FSHR: variants seen among roughly 807,000 people sequenced by gnomAD.
FSHR encodes follicle-stimulating hormone receptor.
A neutral mutation model predicts 52.1 loss-of-function variants in FSHR; 46 were observed. The ratio of observed to expected loss-of-function variants is 0.88; its 90% CI spans 0.70 to 1.13. The LOEUF (loss-of-function observed/expected upper bound fraction) is 1.13, where lower values mean the gene tolerates loss of function less well. Among genes scored for constraint, FSHR ranks in the 50% most tolerant of loss-of-function variants. FSHR has a pLI of 0.00. For synonymous variants in FSHR, 399 were observed against 309.6 expected (o/e 1.29, Z -3.03); for missense variants, 964 against 834.6 (o/e 1.16, Z -1.91).
At chr2:49,017,660 A>G (rs1051330616) in intron 3 of FSHR, 97 bp from the exon 4 acceptor site, 12 of 821,842 alleles carry the variant, frequency 1.5e-5, no homozygotes, top group South Asian at 4.3e-5. Context: ...CATTCATCCC[A>G]TCCACTCATC....
chr2:48,992,390 T>C (rs777391982), intron 4 of FSHR, among the ~76,000 whole-genome samples: 1 of 152,166 alleles, frequency 6.6e-6, no homozygotes. Flanking sequence ...GTTTCTGTAA[T>C]TTTGCCTTTT....
At chr2:49,127,804 T>TCTTCTTCTTC (rs1672080145) in intron 1 of FSHR, among the ~76,000 whole-genome samples, 1 of 60,140 alleles carries the variant, frequency 1.7e-5, no homozygotes, top group African/African-American at 7.1e-5. Flanking sequence ...TTCTTCTTCT[T>TCTTCTTCTTC]CTTCTTCTTC....
intron 1 of FSHR, among the ~76,000 whole-genome samples, chr2:49,120,954 G>A (rs1160054898): frequency 6.6e-6 from 1 of 152,176 alleles, no homozygotes; most frequent in Non-Finnish European, 1.5e-5. Flanking sequence ...CTAGTGATTT[G>A]GGGTTTTTCT....
At chr2:49,137,316 A>G (rs1672522380) in intron 1 of FSHR, among the ~76,000 whole-genome samples, 1 of 152,108 alleles carries the variant, frequency 6.6e-6, no homozygotes, top group Non-Finnish European at 1.5e-5. Context: ...TTATGTCTTG[A>G]AAACTATAAA....
At chr2:49,127,094 G>A (rs10184020) in intron 1 of FSHR, among the ~76,000 whole-genome samples, 37,967 of 152,064 alleles carry the variant, frequency 0.25, 5,121 homozygotes, top group East Asian at 0.47. Flanking sequence ...TTGGGAGACC[G>A]AGGCTGGTGG....
At chr2:49,037,011 G>A (rs921198587) in intron 2 of FSHR, among the ~76,000 whole-genome samples, 6 of 152,216 alleles carry the variant, frequency 3.9e-5, no homozygotes, top group Admixed American at 3.3e-4. Context: ...GGGTCTTGGA[G>A]CTTCAAAACC....
At position 49,017,924 on chromosome 2, in the gene FSHR, A is replaced by G. The variant is rs192288520; in HGVS notation, c.300-361T>C. 3.9e-5 allele frequency among the ~76,000 whole-genome samples: 6 copies of G among 152,288 alleles called. No individual in the cohort carries two copies. The East Asian group carries it at 1.2e-3, about 29-fold the overall frequency. ...CAGGGTTGGAGGAGGCTAAGAGGTTAGGAATGAGACTAATATGGCGAAATG... is the reference window on the plus strand; with the variant it reads ...CAGGGTTGGAGGAGGCTAAGAGGTTGGGAATGAGACTAATATGGCGAAATG... On this transcript the variant is annotated intron_variant, in intron 3 of 9. Coordinates refer to ENST00000406846, the MANE Select transcript of FSHR (RefSeq NM_000145.4).
intron 4 of FSHR, among the ~76,000 whole-genome samples, chr2:49,008,255 C>A (rs200354317): frequency 5.4e-5 from 7 of 129,680 alleles, no homozygotes; most frequent in Admixed American, 1.7e-4. Flanking sequence ...CAATTCCCAC[C>A]TATGAGTGAG....
At chr2:49,060,285 A>T (rs538400161) in intron 2 of FSHR, among the ~76,000 whole-genome samples, 1 of 152,310 alleles carries the variant, frequency 6.6e-6, no homozygotes, top group Admixed American at 6.5e-5. Context: ...TAAAAAGGTT[A>T]TTCAAAACAC....
intron 4 of FSHR, among the ~76,000 whole-genome samples, chr2:49,001,150 G>T (rs2104144732): frequency 6.6e-6 from 1 of 152,150 alleles, no homozygotes; most frequent in East Asian, 1.9e-4. Flanking sequence ...AAATAATAAT[G>T]GTTAATACTC....
At chr2:49,062,866 A>G (rs1483695763) in intron 2 of FSHR, among the ~76,000 whole-genome samples, 1 of 152,088 alleles carries the variant, frequency 6.6e-6, no homozygotes, top group Non-Finnish European at 1.5e-5. Context: ...GTCTCATCTT[A>G]CCCCAGTGAA....
intron 1 of FSHR, among the ~76,000 whole-genome samples, chr2:49,151,658 A>G (rs1419692209): frequency 6.6e-6 from 1 of 152,142 alleles, no homozygotes; most frequent in Non-Finnish European, 1.5e-5. Flanking sequence ...TGATGGATTA[A>G]GCAATTGCAG....
intron 6 of FSHR, among the ~76,000 whole-genome samples, chr2:48,987,475 G>T (rs1387618947): frequency 2.6e-5 from 4 of 152,018 alleles, no homozygotes; most frequent in African/African-American, 7.3e-5. Flanking sequence ...CTCCCAAAGT[G>T]CTTGGATTAC....
intron 2 of FSHR, among the ~76,000 whole-genome samples, chr2:49,049,738 T>C (rs1423686976): frequency 2.0e-5 from 3 of 151,990 alleles, no homozygotes; most frequent in East Asian, 3.9e-4. Flanking sequence ...TGAAGAGTTA[T>C]TATGAGTATA....
At chr2:49,019,924 T>C (rs1288672483) in intron 3 of FSHR, among the ~76,000 whole-genome samples, 162 bp downstream of exon 3, 10 of 152,220 alleles carry the variant, frequency 6.6e-5, no homozygotes, top group Admixed American at 5.9e-4. Context: ...GGTCACCAGA[T>C]AGAGACACAT....
At chr2:48,974,165 G>A (rs2104026177) in intron 8 of FSHR, among the ~76,000 whole-genome samples, 1 of 152,280 alleles carries the variant, frequency 6.6e-6, no homozygotes, top group East Asian at 1.9e-4. Context: ...TCTGCAGCAG[G>A]TAAGTATATG....
At chr2:49,084,114 A>T (rs188191189) in intron 1 of FSHR, among the ~76,000 whole-genome samples, 2 of 152,268 alleles carry the variant, frequency 1.3e-5, no homozygotes, top group African/African-American at 4.8e-5. Flanking sequence ...TCCTCAGCAA[A>T]TGTAGAAGAA....
intron 2 of FSHR, among the ~76,000 whole-genome samples, chr2:49,060,931 A>G (rs929545164): frequency 6.6e-6 from 1 of 152,118 alleles, no homozygotes; most frequent in African/African-American, 2.4e-5. Flanking sequence ...GTCTATGGTC[A>G]CTACTGCAAA....
intron 1 of FSHR, among the ~76,000 whole-genome samples, chr2:49,074,806 G>A (rs942865291): frequency 2.0e-4 from 30 of 152,202 alleles, no homozygotes; most frequent in Admixed American, 1.6e-3. Flanking sequence ...TAAAGCAAAT[G>A]CGGTATATAT....
Sources: gnomAD v4.1 joint callset for allele counts (sites outside exome capture counted in the v4.1 genomes callset) on GRCh38, gnomAD v4.1.1 for gene constraint, MANE v1.5 for transcripts, NCBI Gene and HGNC (gene_info 2026-07-23, HGNC 2026-07-21) for gene names.